ERMP1: variants seen among roughly 807,000 people sequenced by gnomAD.
ERMP1 encodes endoplasmic reticulum metallopeptidase 1, also known as Felix-ina.
Under a neutral mutation model 92.0 loss-of-function variants are expected in ERMP1, and 86 were observed. The ratio of observed to expected loss-of-function variants is 0.93; its 90% CI spans 0.79 to 1.12. The LOEUF is 1.12. Among genes scored for constraint, ERMP1 ranks in the 50% most tolerant of loss-of-function variants. ERMP1 has a pLI of 0.00. For missense variants in ERMP1, 1,342 were observed against 1,116.3 expected (o/e 1.20, Z -2.88); for synonymous variants, 530 against 412.8 (o/e 1.28, Z -3.44).
chr9:5,796,558 C>G (rs1468968397), intron 13 of ERMP1, among the ~76,000 whole-genome samples: 1 of 152,120 alleles, frequency 6.6e-6, no homozygotes, highest in Admixed American at 6.5e-5. Flanking sequence ...AAGAAATGGC[C>G]TATCAAGTCA....
chr9:5,790,631 T>C (rs1394131541), intron 13 of ERMP1, among the ~76,000 whole-genome samples: 5 of 152,204 alleles, frequency 3.3e-5, no homozygotes, highest in African/African-American at 1.2e-4. Context: ...CTATCTTATT[T>C]CTCAAAACAC....
At chr9:5,862,293 A>C (rs566371961) in intron 5 of ERMP1, among the ~76,000 whole-genome samples, 5 of 152,074 alleles carry the variant, frequency 3.3e-5, no homozygotes, top group African/African-American at 1.2e-4. Flanking sequence ...CAGCCTCTCA[A>C]AGTGCTGGGA....
At chr9:5,848,041 T>C (rs772654011) in intron 6 of ERMP1, among the ~76,000 whole-genome samples, 6 of 152,170 alleles carry the variant, frequency 3.9e-5, no homozygotes, top group East Asian at 1.9e-4. Context: ...CTGAAGGTCA[T>C]ACAGACACTA....
At chr9:5,847,862 T>C (rs1288907058) in intron 6 of ERMP1, among the ~76,000 whole-genome samples, 1 of 147,018 alleles carries the variant, frequency 6.8e-6, no homozygotes, top group Non-Finnish European at 1.5e-5. Flanking sequence ...ACCGCTGTAC[T>C]CCAGCCCGGG....
rs1270695627 is a variant in ERMP1 at position 5,805,220 on chromosome 9, A to G, written c.1724-3T>C. The G allele has an allele frequency of 1.3e-6, 2 of 1,599,064 alleles. No individual in the cohort carries two copies. The highest frequency in any genetic ancestry group is 1.8e-5 in the Admixed American group (1 of 56,958). ...AGCAATAAATTTTCCTTGGGCACCT[A>G]GGGAAAAAGAGAAAAAAAGCACACA... On this transcript the variant is annotated splice_region_variant and splice_polypyrimidine_tract_variant and intron_variant, in intron 9 of 14. Coordinates refer to ENST00000339450, the MANE Select transcript of ERMP1 (RefSeq NM_024896.3).
chr9:5,860,876 T>C (rs1586846926), intron 5 of ERMP1, among the ~76,000 whole-genome samples: 1 of 152,144 alleles, frequency 6.6e-6, no homozygotes, highest in Admixed American at 6.5e-5. Flanking sequence ...TGGTGGCTGG[T>C]TCCCTATAAA....
intron 13 of ERMP1, among the ~76,000 whole-genome samples, chr9:5,792,769 G>C (rs1031351867): frequency 2.0e-5 from 3 of 152,178 alleles, no homozygotes; most frequent in Non-Finnish European, 4.4e-5. Context: ...GCAGTACAGT[G>C]TTAACTGAAG....
rs1563775005 is a variant in ERMP1, at chr9:5,832,842, CCTGCTCGCGCCG to C, written c.174_185del (p.Ser61_Ala64del). ...CCTCAGACAGCCCGGTCCCCGCGCC[CCTGCTCGCGCCG>C]CCGCTACCCCCGGGGCTCCTCTTCC... On this transcript the variant is annotated inframe_deletion, in exon 1 of 15. Coordinates refer to ENST00000339450, the MANE Select transcript of ERMP1 (RefSeq NM_024896.3). The C allele has an allele frequency of 2.0e-6, 3 of 1,503,936 alleles. No individual in the cohort carries two copies. The highest frequency in any genetic ancestry group is 2.6e-6 in the Non-Finnish European group (3 of 1,134,616). The allele number at this position is 1,503,936 out of a possible 1,614,324, so 93.2% of individuals were successfully genotyped here. A position where few individuals can be genotyped will look rare whatever the true frequency, so the allele number is the denominator to read the frequency against.
In ERMP1 at chr9:5,811,798, T is replaced by C. The variant is rs549152793; in HGVS notation, c.1114+327A>G. Among the ~76,000 whole-genome samples the C allele has an allele frequency of 7.1e-4, 108 of 152,282 alleles. No individual in the cohort carries two copies. The Middle Eastern group carries it at 0.014, about 19-fold the overall frequency. ...GAGATGCTGAACAAGCTGTCACACA[T>C]GTGTTAAAAATTGAGGAGAGCTAGC... On this transcript the variant is annotated intron_variant, in intron 6 of 14. Transcript: ENST00000339450.
upstream of ERMP1, among the ~76,000 whole-genome samples, chr9:5,836,732 A>AT (rs1346119652): frequency 6.6e-6 from 1 of 152,184 alleles, no homozygotes; most frequent in Non-Finnish European, 1.5e-5. Context: ...GAAATGGAAC[A>AT]TTCAGGAACT....
At chr9:5,856,372 T>G (rs966462882) in intron 6 of ERMP1, 1 of 192,132 alleles carries the variant, frequency 5.2e-6, no homozygotes, top group Admixed American at 6.4e-5. Flanking sequence ...AGGCCAAACT[T>G]CTGGGCCAAG....
At position 5,812,191 on chromosome 9, in the gene ERMP1, C is replaced by A. The variant is rs778303333; in HGVS notation, c.1048G>T (p.Gly350Ter). The change falls in exon 6 of 15, where the codon GGA (glycine) becomes TGA (stop). Residue 350 changes from glycine (G) to a stop codon, truncating the protein, a stop_gained. Transcript: ENST00000339450. LOFTEE classifies it high-confidence loss of function. ...PGIDLAFIENGYIYHTKYDTA... is the reference protein window; with the variant it reads ...PGIDLAFIEN The stretch of plus-strand genomic sequence containing the variant: ...TCATACTTGGTGTGATAAATGTATC[C>A]ATTCTCAATAAAAGCTAAGTCTATT... The A allele has an allele frequency of 1.1e-5, 17 of 1,604,622 alleles. No homozygotes were observed. Among genetic ancestry groups the A allele is most frequent in the Non-Finnish European group, 1.4e-5 (17 of 1,174,402 alleles).
At chr9:5,823,816 A>G in intron 4 of ERMP1, 80 bp downstream of exon 4, 3 of 907,600 alleles carry the variant, frequency 3.3e-6, no homozygotes, top group African/African-American at 1.7e-5. Flanking sequence ...TTTATTGAAG[A>G]TATTATTTAT....
At chr9:5,848,869 G>C (rs118170137) in intron 6 of ERMP1, among the ~76,000 whole-genome samples, 1 of 152,300 alleles carries the variant, frequency 6.6e-6, no homozygotes, top group Non-Finnish European at 1.5e-5. Flanking sequence ...AGGGGTGTTG[G>C]TTTGAGTGCA....
chr9:5,865,890 A>G (rs1472348804), intron 5 of ERMP1, among the ~76,000 whole-genome samples: 2 of 151,376 alleles, frequency 1.3e-5, no homozygotes, highest in Non-Finnish European at 2.9e-5. Flanking sequence ...AATAAAAAAT[A>G]TATAAAATGA....
intron 6 of ERMP1, 133 bp downstream of exon 6, chr9:5,811,992 A>C: frequency 1.7e-6 from 1 of 575,028 alleles, no homozygotes; most frequent in Non-Finnish European, 3.1e-6. Flanking sequence ...CATCTCTCCA[A>C]CTCCAAAGCC....
intron 11 of ERMP1, among the ~76,000 whole-genome samples, chr9:5,800,661 C>T (rs1828634436): frequency 6.6e-6 from 1 of 151,930 alleles, no homozygotes; most frequent in Non-Finnish European, 1.5e-5. Flanking sequence ...GGGCAACAGA[C>T]CAAGACTCCA....
At chr9:5,848,370 G>T (rs1270892067) in intron 6 of ERMP1, among the ~76,000 whole-genome samples, 1 of 152,152 alleles carries the variant, frequency 6.6e-6, no homozygotes, top group African/African-American at 2.4e-5. Context: ...CAGGGACGTG[G>T]ATCTGCGCCT....
At chr9:5,864,706 G>A (rs1830600957) in intron 5 of ERMP1, among the ~76,000 whole-genome samples, 1 of 152,194 alleles carries the variant, frequency 6.6e-6, no homozygotes, top group African/African-American at 2.4e-5. Context: ...GCCTGGAGAA[G>A]AAGAGGCTGA....
Sources: allele counts gnomAD v4.1 joint callset (sites outside exome capture counted in the v4.1 genomes callset), GRCh38; gene constraint gnomAD v4.1.1; transcripts MANE v1.5; gene names NCBI Gene and HGNC (gene_info 2026-07-23, HGNC 2026-07-21).